Variants in FGF18 observed in about 807,000 individuals in gnomAD.
FGF18 encodes fibroblast growth factor 18.
FGF18 carries 5 observed loss-of-function variants against 23.0 expected under a neutral mutation model. The ratio of observed to expected loss-of-function variants is 0.22; its 90% CI spans 0.11 to 0.46. The LOEUF (loss-of-function observed/expected upper bound fraction) is 0.46, where lower values mean the gene tolerates loss of function less well. Ranked by LOEUF, FGF18 falls within the 20% of genes least tolerant of loss-of-function variation. FGF18 has a pLI of 0.99. For synonymous variants in FGF18, 117 were observed against 118.9 expected (o/e 0.98, Z 0.10); for missense variants, 180 against 291.6 (o/e 0.62, Z 2.79).
intron 2 of FGF18, among the ~76,000 whole-genome samples, chr5:171,427,206 GA>G (rs569204143): frequency 0.037 from 4,876 of 131,082 alleles, 82 homozygotes; most frequent in Non-Finnish European, 0.052. Context: ...CTCCATCTGG[GA>G]AAAAAAAAAA....
intron 2 of FGF18, among the ~76,000 whole-genome samples, chr5:171,433,205 C>G (rs1276627678): frequency 1.3e-5 from 2 of 152,184 alleles, no homozygotes; most frequent in Admixed American, 1.3e-4. Flanking sequence ...CCTCCCGCAT[C>G]CTGGGGAAGT....
At chr5:171,430,876 G>C (rs1158968747) in intron 2 of FGF18, among the ~76,000 whole-genome samples, 1 of 151,158 alleles carries the variant, frequency 6.6e-6, no homozygotes, top group African/African-American at 2.4e-5. Context: ...ATTATCAACA[G>C]TCCCCATTTT....
At chr5:171,424,997 G>C (rs928886842) in intron 2 of FGF18, among the ~76,000 whole-genome samples, 2 of 152,308 alleles carry the variant, frequency 1.3e-5, no homozygotes, top group South Asian at 2.1e-4. Flanking sequence ...GCAGCCCATC[G>C]GTCACAGATG....
In FGF18 at chr5:171,420,419, C is replaced by A. The variant is rs1472249925; in HGVS notation, c.45C>A (p.Phe15Leu). The A allele has an allele frequency of 6.2e-7, 1 of 1,613,804 alleles. No homozygotes were observed. The highest frequency in any genetic ancestry group is 8.5e-7 in the Non-Finnish European group (1 of 1,179,944). ...CTGTTTCCCGCAGGTGTTTACACTT[C>A]CTGCTGCTGTGCTTCCAGGTACAGG... ...PSACTCLCLH[F>L]LLLCFQVQVL... is the part of the protein sequence containing the mutation. Residue 15 changes from phenylalanine (F) to leucine (L), a missense_variant, in exon 2 of 5, where the codon TTC (phenylalanine) becomes TTA (leucine). Physicochemically the swap from Phe to Leu is conservative, Grantham distance 22. Transcript: ENST00000274625.
chr5:171,432,345 TG>T (rs1436717542), intron 2 of FGF18, among the ~76,000 whole-genome samples: 1 of 150,342 alleles, frequency 6.7e-6, no homozygotes, highest in Non-Finnish European at 1.5e-5. Flanking sequence ...TGAGGTGCCA[TG>T]TCTGGGGGTC....
intron 2 of FGF18, among the ~76,000 whole-genome samples, chr5:171,424,856 G>A (rs1233949610): frequency 1.3e-5 from 2 of 152,026 alleles, no homozygotes; most frequent in Non-Finnish European, 1.5e-5. Flanking sequence ...GGGGGAAGGG[G>A]GAGGGGGAGG....
At chr5:171,420,366 C>T (rs1771985271) in intron 1 of FGF18, 41 bp from the exon 2 acceptor site, 4 of 1,611,872 alleles carry the variant, frequency 2.5e-6, no homozygotes, top group African/African-American at 1.3e-5. Flanking sequence ...GCGCCCCCTT[C>T]CTCAGGTCCC....
chr5:171,449,121 T>A lies in FGF18; in HGVS notation c.251-26T>A, dbSNP rs778403912. On this transcript the variant is annotated intron_variant, in intron 3 of 4. Coordinates refer to ENST00000274625, the MANE Select transcript of FGF18 (RefSeq NM_003862.3). ...CCATTGCCCCTGGTAATAAAATGTG[T>A]CTTGTTCTCCTTCTGCCTTTCGAAG... 1.7e-5 allele frequency: 27 copies of A among 1,544,614 alleles called. No homozygotes were observed. In the African/African-American group the frequency reaches 3.0e-4, roughly 17 times the overall value.
At chr5:171,439,655 G>C (rs974192504) in intron 3 of FGF18, among the ~76,000 whole-genome samples, 1 of 152,124 alleles carries the variant, frequency 6.6e-6, no homozygotes, top group Admixed American at 6.5e-5. Flanking sequence ...TATCTGCCAA[G>C]TGGGGAGGAG....
Position 171,434,281 on chromosome 5 carries a change from A to G in FGF18, c.70-1812A>G, listed in dbSNP as rs1772217316. On this transcript the variant is annotated intron_variant, in intron 2 of 4. Coordinates refer to ENST00000274625, the MANE Select transcript of FGF18 (RefSeq NM_003862.3). This position sits in a 1 kb window ranked among gnomAD's most constrained non-coding sequence, Gnocchi z 4.6. Reference sequence around the variant, plus strand: ...ATCCATAATGTGGGATGATGCTTCCACCCTGAGGACAATCATGAAGGTTCA... The same window carrying G: ...ATCCATAATGTGGGATGATGCTTCCGCCCTGAGGACAATCATGAAGGTTCA... Among the ~76,000 whole-genome samples the G allele has an allele frequency of 6.6e-6, 1 of 152,178 alleles. No homozygotes were observed. The highest frequency in any genetic ancestry group is 1.5e-5 in the Non-Finnish European group (1 of 68,032).
chr5:171,456,511 T>G lies in FGF18; in HGVS notation c.358-28T>G, dbSNP rs1471210206. 12 of 1,598,636 alleles carry G rather than the reference T, an allele frequency of 7.5e-6. No homozygotes were observed. The highest frequency in any genetic ancestry group is 1.0e-5 in the Non-Finnish European group (12 of 1,170,670). On this transcript the variant is annotated intron_variant, in intron 4 of 4. Transcript: ENST00000274625. The surrounding 1 kb of genome is among the most constrained non-coding windows in gnomAD (Gnocchi z 6.1). ...CAAGCATAACTGAGTCATTTTTTTC[T>G]TGAACACTCCCCCTCTCTCCCCTGC...
At chr5:171,447,150 C>T (rs544262360) in intron 3 of FGF18, among the ~76,000 whole-genome samples, 1 of 152,278 alleles carries the variant, frequency 6.6e-6, no homozygotes, top group South Asian at 2.1e-4. Flanking sequence ...ATTATACCCC[C>T]ATTTTACAGG....
At chr5:171,422,986 A>G (rs1772039022) in intron 2 of FGF18, among the ~76,000 whole-genome samples, 1 of 152,200 alleles carries the variant, frequency 6.6e-6, no homozygotes. Flanking sequence ...AGGAAGGCAC[A>G]TTGTGGCTGC....
At chr5:171,433,814 T>C (rs1039768268) in intron 2 of FGF18, among the ~76,000 whole-genome samples, 41 of 152,306 alleles carry the variant, frequency 2.7e-4, no homozygotes, top group African/African-American at 9.4e-4. Flanking sequence ...TCAAAAGCAA[T>C]AGCATCTTCC....
chr5:171,441,659 C>T (rs1472572310), intron 3 of FGF18, among the ~76,000 whole-genome samples: 2 of 152,216 alleles, frequency 1.3e-5, no homozygotes, highest in Non-Finnish European at 2.9e-5. Context: ...ATCTGTCTCC[C>T]GTGTTAGAGT....
rs1484409853 is a variant in FGF18 at position 171,436,325 on chromosome 5, C to T, written c.250+52C>T. Reference sequence around the variant, plus strand: ...CCGTGTACCCGTGTACATGTCCTTCCTGGCCTCAGAGACCTCAAGTTCAAA... The same window carrying T: ...CCGTGTACCCGTGTACATGTCCTTCTTGGCCTCAGAGACCTCAAGTTCAAA... On this transcript the variant is annotated intron_variant, in intron 3 of 4. Transcript: ENST00000274625. The surrounding 1 kb of genome is among the most constrained non-coding windows in gnomAD (Gnocchi z 4.4). 5 of 1,365,330 alleles carry T rather than the reference C, an allele frequency of 3.7e-6. No homozygotes were observed. Among genetic ancestry groups the T allele is most frequent in the Non-Finnish European group, 4.8e-6 (5 of 1,039,478 alleles). The allele number at this position is 1,365,330 out of a possible 1,614,324, so 84.6% of individuals were successfully genotyped here.
Position 171,430,554 on chromosome 5 carries a change from C to T in FGF18, c.70-5539C>T, listed in dbSNP as rs541597349. Among the ~76,000 whole-genome samples the T allele has an allele frequency of 1.3e-4, 19 of 148,240 alleles. 2 individuals carry two copies. The highest frequency in any genetic ancestry group is 3.3e-4 in the African/African-American group (13 of 39,558). ...CTGTAATCCCAGCACTTTGGGAGGCCGAGGCGGGTGGATCATGAGGTCAGG... is the reference window on the plus strand; with the variant it reads ...CTGTAATCCCAGCACTTTGGGAGGCTGAGGCGGGTGGATCATGAGGTCAGG... On this transcript the variant is annotated intron_variant, in intron 2 of 4. Coordinates refer to ENST00000274625, the MANE Select transcript of FGF18 (RefSeq NM_003862.3).
At chr5:171,438,881 G>A (rs766545872) in intron 3 of FGF18, among the ~76,000 whole-genome samples, 18 of 152,174 alleles carry the variant, frequency 1.2e-4, no homozygotes, top group Non-Finnish European at 1.9e-4. Flanking sequence ...CTGCATTAGG[G>A]GCCTGCCTTG....
chr5:171,436,562 C>G lies in FGF18; in HGVS notation c.250+289C>G, dbSNP rs1772249676. On this transcript the variant is annotated intron_variant, in intron 3 of 4. Coordinates refer to ENST00000274625, the MANE Select transcript of FGF18 (RefSeq NM_003862.3). The surrounding 1 kb of genome is among the most constrained non-coding windows in gnomAD (Gnocchi z 4.4). ...GTATCAGTGGCTTGCCTGGGATGGCCTAAAGCAGGTGGCTGTTCCCATGCC... is the reference window on the plus strand; with the variant it reads ...GTATCAGTGGCTTGCCTGGGATGGCGTAAAGCAGGTGGCTGTTCCCATGCC... Among the ~76,000 whole-genome samples the G allele has an allele frequency of 2.0e-5, 3 of 152,208 alleles. No homozygotes were observed. In the South Asian group the frequency reaches 6.2e-4, roughly 31 times the overall value.
Sources: allele counts gnomAD v4.1 joint callset (sites outside exome capture counted in the v4.1 genomes callset), GRCh38; gene constraint gnomAD v4.1.1; non-coding constraint Gnocchi (gnomAD v3.1); transcripts MANE v1.5; gene names NCBI Gene and HGNC (gene_info 2026-07-23, HGNC 2026-07-21).